SCAPER: variants seen among roughly 807,000 people sequenced by gnomAD.
SCAPER encodes S-phase cyclin A associated protein in the ER.
Under a neutral mutation model 182.2 loss-of-function variants are expected in SCAPER, and 98 were observed. That is an observed-to-expected ratio of 0.54 (90% confidence interval 0.46 to 0.64). The LOEUF (loss-of-function observed/expected upper bound fraction) is 0.64, where lower values mean the gene tolerates loss of function less well. Among genes scored for constraint, SCAPER ranks in the 30% least tolerant of loss-of-function variants. The pLI is 0.00. For synonymous variants in SCAPER, 605 were observed against 564.6 expected (o/e 1.07, Z -1.01); for missense variants, 1,432 against 1,690.0 (o/e 0.85, Z 2.68).
At position 76,348,686 on chromosome 15, in the gene SCAPER, G is replaced by C; in HGVS notation, c.4150C>G (p.Gln1384Glu). Residue 1384 changes from glutamine to glutamate, a missense_variant, in exon 32 of 32, where the codon CAG becomes GAG. Physicochemically the swap from Gln to Glu is conservative, Grantham distance 29 (BLOSUM62 2). Coordinates refer to ENST00000563290, the MANE Select transcript of SCAPER (RefSeq NM_020843.4). The part of the protein sequence containing the change: ...DYLELANRFP[Q>E]QAWEEARQFF... ...TGTCGAGCTTCTTCCCAGGCCTGCT[G>C]AGGAAATCTGTTAGCCAGCTCAAGA... The C allele has an allele frequency of 6.4e-7, 1 of 1,558,306 alleles. No individual in the cohort carries two copies. Among genetic ancestry groups the C allele is most frequent in the African/African-American group, 1.4e-5 (1 of 73,750 alleles).
intron 29 of SCAPER, among the ~76,000 whole-genome samples, chr15:76,357,126 AAAG>A (rs58561150): frequency 0.019 from 2,652 of 141,446 alleles, 86 homozygotes; most frequent in African/African-American, 0.062. Flanking sequence ...GTGAATTTAA[AAAG>A]AAGTAACCTT....
chr15:76,357,491 C>T lies in SCAPER; in HGVS notation c.3856-3351G>A, dbSNP rs767064010. 7.2e-5 allele frequency among the ~76,000 whole-genome samples: 11 copies of T among 152,128 alleles called. 1 individual carries two copies. The highest frequency in any genetic ancestry group is 2.1e-4 in the South Asian group (1 of 4,830). ...TGGCGAGGATACAGAGAAAAGAGAACGCTTATACGCTGTTGGTGGGAATGT... is the reference window on the plus strand; with the variant it reads ...TGGCGAGGATACAGAGAAAAGAGAATGCTTATACGCTGTTGGTGGGAATGT... On this transcript the variant is annotated intron_variant, in intron 29 of 31. Transcript: ENST00000563290.
intron 21 of SCAPER, among the ~76,000 whole-genome samples, chr15:76,664,702 C>G (rs2056439876): frequency 6.6e-6 from 1 of 152,080 alleles, no homozygotes; most frequent in Admixed American, 6.6e-5. Flanking sequence ...TCAGGATAAA[C>G]TAGAAATGAA....
chr15:76,381,671 T>C (rs1185386683), intron 27 of SCAPER, 56 bp from the exon 28 acceptor site: 9 of 1,335,044 alleles, frequency 6.7e-6, no homozygotes, highest in African/African-American at 1.5e-5. Flanking sequence ...TGTTAGCAAT[T>C]TGTATAGGTT....
intron 8 of SCAPER, among the ~76,000 whole-genome samples, chr15:76,791,843 G>T (rs2065025016): frequency 6.6e-6 from 1 of 151,856 alleles, no homozygotes; most frequent in African/African-American, 2.4e-5. Flanking sequence ...AAGGCATAAG[G>T]ACTAATTAAA....
chr15:76,829,257 G>A (rs568760912), intron 5 of SCAPER, among the ~76,000 whole-genome samples: 1 of 152,226 alleles, frequency 6.6e-6, no homozygotes, highest in African/African-American at 2.4e-5. Context: ...AAGCTATGAG[G>A]CTGTGCAATG....
chr15:76,538,552 T>C (rs1413211851), intron 23 of SCAPER, among the ~76,000 whole-genome samples: 2 of 151,994 alleles, frequency 1.3e-5, no homozygotes, highest in African/African-American at 2.4e-5. Context: ...AACATCACAC[T>C]CTGTGGACTG....
At chr15:76,592,043 G>A (rs192112297) in intron 22 of SCAPER, among the ~76,000 whole-genome samples, 10 of 152,250 alleles carry the variant, frequency 6.6e-5, no homozygotes, top group African/African-American at 2.4e-4. Context: ...CTCGGCAACA[G>A]AGTGAGATCA....
At chr15:76,532,628 C>T (rs1243993961) in intron 23 of SCAPER, among the ~76,000 whole-genome samples, 1 of 152,142 alleles carries the variant, frequency 6.6e-6, no homozygotes, top group Non-Finnish European at 1.5e-5. Context: ...CTATATTTCT[C>T]ACTGCAATCT....
At chr15:76,439,900 CT>C (rs2047444635) in intron 25 of SCAPER, among the ~76,000 whole-genome samples, 1 of 152,182 alleles carries the variant, frequency 6.6e-6, no homozygotes, top group South Asian at 2.1e-4. Flanking sequence ...ACCATGCTTT[CT>C]TTTCAAATGG....
At chr15:76,807,965 T>C (rs2066297406) in intron 5 of SCAPER, among the ~76,000 whole-genome samples, 1 of 152,118 alleles carries the variant, frequency 6.6e-6, no homozygotes. Context: ...ACTTCACAAA[T>C]AGCGTCCCAA....
chr15:76,398,680 T>C (rs2044248587), intron 27 of SCAPER, among the ~76,000 whole-genome samples: 1 of 152,252 alleles, frequency 6.6e-6, no homozygotes, highest in South Asian at 2.1e-4. Flanking sequence ...CACATTTTGT[T>C]ATTGTCATCT....
chr15:76,819,494 A>G (rs2067350843), intron 5 of SCAPER, among the ~76,000 whole-genome samples: 1 of 152,220 alleles, frequency 6.6e-6, no homozygotes, highest in Admixed American at 6.5e-5. Flanking sequence ...ATGGACCTCC[A>G]GCAAACTCCA....
intron 27 of SCAPER, among the ~76,000 whole-genome samples, chr15:76,398,391 A>T (rs1409075489): frequency 6.6e-6 from 1 of 152,190 alleles, no homozygotes; most frequent in Non-Finnish European, 1.5e-5. Context: ...TTCCCCCTAC[A>T]AGCTTACAGA....
chr15:76,614,414 A>G (rs772493640), intron 22 of SCAPER, among the ~76,000 whole-genome samples: 10 of 152,240 alleles, frequency 6.6e-5, no homozygotes, highest in Non-Finnish European at 1.5e-5. Flanking sequence ...ACAAATAACA[A>G]AAACAAAAAC....
intron 23 of SCAPER, among the ~76,000 whole-genome samples, chr15:76,551,714 A>G (rs2045788118): frequency 6.6e-6 from 1 of 152,194 alleles, no homozygotes; most frequent in African/African-American, 2.4e-5. Flanking sequence ...CTCATCACAA[A>G]GAAACAAGAA....
Position 76,846,640 on chromosome 15 carries a change from C to G in SCAPER, c.196-4709G>C, listed in dbSNP as rs1389427200. Among the ~76,000 whole-genome samples the G allele has an allele frequency of 2.0e-5, 3 of 152,046 alleles. No individual in the cohort carries two copies. In the East Asian group the frequency reaches 5.8e-4, roughly 29 times the overall value. On this transcript the variant is annotated intron_variant, in intron 4 of 31. Coordinates refer to ENST00000563290, the MANE Select transcript of SCAPER (RefSeq NM_020843.4). ...ATCATCAGAGAAATGCAAATCAAAA[C>G]TAAAATGAGCTATCATCTCACCCCA...
chr15:76,401,275 G>C (rs184160914), intron 27 of SCAPER, among the ~76,000 whole-genome samples: 1 of 151,886 alleles, frequency 6.6e-6, no homozygotes, highest in East Asian at 1.9e-4. Flanking sequence ...AAATTTTATA[G>C]TCAGAAACCT....
chr15:76,850,188 A>C (rs142545626), intron 4 of SCAPER, among the ~76,000 whole-genome samples: 89 of 152,332 alleles, frequency 5.8e-4, no homozygotes, highest in Non-Finnish European at 8.8e-4. Flanking sequence ...CCTTGCACAA[A>C]GCTTGAGTCC....
Sources: gnomAD v4.1 joint callset for allele counts (sites outside exome capture counted in the v4.1 genomes callset) on GRCh38, gnomAD v4.1.1 for gene constraint, MANE v1.5 for transcripts, NCBI Gene and HGNC (gene_info 2026-07-23, HGNC 2026-07-21) for gene names.